Variants in SRGAP2 observed in about 807,000 individuals in gnomAD.
The protein encoded by SRGAP2 is SLIT-ROBO Rho GTPase activating protein 2.
SRGAP2 carries 15 observed loss-of-function variants against 57.2 expected under a neutral mutation model. The observed-to-expected ratio is 0.26, with a 90% CI of 0.18 to 0.40. The LOEUF (loss-of-function observed/expected upper bound fraction) is 0.40, where lower values mean the gene tolerates loss of function less well. Among genes scored for constraint, SRGAP2 ranks in the 10% least tolerant of loss-of-function variants. The pLI, the probability that SRGAP2 is intolerant of heterozygous loss-of-function variation, is 1.00. For synonymous variants in SRGAP2, 249 were observed against 248.0 expected (o/e 1.00, Z -0.04); for missense variants, 520 against 669.6 (o/e 0.78, Z 2.47).
Position 206,226,345 on chromosome 1 carries a change from T to A in SRGAP2, c.67+20308T>A, listed in dbSNP as rs535410161. On this transcript the variant is annotated intron_variant, in intron 2 of 22. Transcript: ENST00000573034. Reference sequence around the variant, plus strand: ...CAATGTGTTCAATCCAAGGAGACTATAGGAGTTATTACTCTCCTCCTTTTT... The same window carrying A: ...CAATGTGTTCAATCCAAGGAGACTAAAGGAGTTATTACTCTCCTCCTTTTT... 2.0e-5 allele frequency among the ~76,000 whole-genome samples: 3 copies of A among 152,266 alleles called. No homozygotes were observed. In the South Asian group the frequency reaches 6.2e-4, roughly 32 times the overall value.
Position 206,445,079 on chromosome 1 carries a change from C to A in SRGAP2, c.1875-996C>A, listed in dbSNP as rs782497499. Among the ~76,000 whole-genome samples, 90 of 152,252 alleles carry A rather than the reference C, an allele frequency of 5.9e-4. 1 individual carries two copies. The highest frequency in any genetic ancestry group is 1.4e-3 in the African/African-American group (57 of 41,472). On this transcript the variant is annotated intron_variant, in intron 17 of 22. Coordinates refer to ENST00000573034, the MANE Select transcript of SRGAP2 (RefSeq NM_015326.5). ...GCTACTCAGATGGAGACAGCTGAGTCTCAGGCCTCGTTTCCCAACAGAGGA... is the reference window on the plus strand; with the variant it reads ...GCTACTCAGATGGAGACAGCTGAGTATCAGGCCTCGTTTCCCAACAGAGGA...
At chr1:206,414,609 G>A (rs1553360792) in intron 10 of SRGAP2, among the ~76,000 whole-genome samples, 1 of 151,728 alleles carries the variant, frequency 6.6e-6, no homozygotes, top group African/African-American at 2.4e-5. Context: ...GCAGCAGGAG[G>A]TGATCAAGGC....
At position 206,358,678 on chromosome 1, in the gene SRGAP2, T is replaced by G. The variant is rs562455201; in HGVS notation, c.423+15670T>G. On this transcript the variant is annotated intron_variant, in intron 4 of 22. Coordinates refer to ENST00000573034, the MANE Select transcript of SRGAP2 (RefSeq NM_015326.5). ...AAGTTCTCAGGCAAGGAAAACCACA[T>G]AGTCTACCTGAGCTTTCAGGGACTG... Among the ~76,000 whole-genome samples, 22 of 151,674 alleles carry G rather than the reference T, an allele frequency of 1.5e-4. No individual in the cohort carries two copies. The East Asian group carries it at 4.3e-3, about 29-fold the overall frequency.
chr1:206,359,796 C>CCCTTTTTTTTTTTTTTTTTT (rs1558345475), intron 4 of SRGAP2, among the ~76,000 whole-genome samples: 4 of 103,684 alleles, frequency 3.9e-5, no homozygotes, highest in African/African-American at 1.9e-4. Context: ...AGGGATATTG[C>CCCTTTTTTTTTTTTTTTTTT]TCTTTTTTTT....
chr1:206,416,054 A>G, intron 11 of SRGAP2, 81 bp downstream of exon 11: 1 of 683,054 alleles, frequency 1.5e-6, no homozygotes. Flanking sequence ...CTCCATCCTC[A>G]GCCAAGTGGA....
rs566509972 is a variant in SRGAP2 at position 206,386,156 on chromosome 1, G to A, written c.486+2080G>A. ...TGCTACTGACATCTAATGATCTAGAGGCCAGGGGTGCTGCTAAAATCCTAC... is the reference window on the plus strand; with the variant it reads ...TGCTACTGACATCTAATGATCTAGAAGCCAGGGGTGCTGCTAAAATCCTAC... On this transcript the variant is annotated intron_variant, in intron 5 of 22. Transcript: ENST00000573034. 9.9e-5 allele frequency among the ~76,000 whole-genome samples: 15 copies of A among 152,278 alleles called. No individual in the cohort carries two copies. The South Asian group carries it at 3.1e-3, about 32-fold the overall frequency.
Position 206,461,299 on chromosome 1 carries a change from C to T in SRGAP2, c.3095C>T (p.Ala1032Val). Reference sequence around the variant, plus strand: ...CCTGTCAAGTCTGTCAAGATGGCTGCCCCGGTCAAACCACCAGCCACACGG... The same window carrying T: ...CCTGTCAAGTCTGTCAAGATGGCTGTCCCGGTCAAACCACCAGCCACACGG... ...FRPVKSVKMAAPVKPPATRPK... is the reference protein window; with the variant it reads ...FRPVKSVKMAVPVKPPATRPK... Residue 1032 changes from alanine to valine, a missense_variant, in exon 23 of 23, where the codon GCC (alanine) becomes GTC (valine). Ala to Val is a moderately conservative substitution (Grantham distance 64). Around this residue, in one of 5 missense-constraint regions of SRGAP2, gnomAD observed 478 missense variants for 373.6 expected, o/e 1.28. Transcript: ENST00000573034. 1 of 780,960 alleles carries T rather than the reference C, an allele frequency of 1.3e-6. No individual in the cohort carries two copies. The allele number at this position is 780,960 out of a possible 1,614,324, so 48.4% of individuals were successfully genotyped here. A position where few individuals can be genotyped will look rare whatever the true frequency, so the allele number is the denominator to read the frequency against.
intron 2 of SRGAP2, among the ~76,000 whole-genome samples, chr1:206,253,525 C>T (rs1668968349): frequency 6.6e-6 from 1 of 151,520 alleles, no homozygotes; most frequent in South Asian, 2.1e-4. Context: ...TTTCCTCCCT[C>T]CCTCACTTCC....
intron 7 of SRGAP2, among the ~76,000 whole-genome samples, chr1:206,397,553 G>A (rs1321206507): frequency 2.0e-5 from 3 of 147,560 alleles, no homozygotes; most frequent in Non-Finnish European, 3.0e-5. Flanking sequence ...ACTAGCCTCC[G>A]ACTTCTTTTT....
At chr1:206,325,602 C>G (rs1553329656) in intron 3 of SRGAP2, among the ~76,000 whole-genome samples, 2 of 150,456 alleles carry the variant, frequency 1.3e-5, no homozygotes, top group African/African-American at 4.9e-5. Flanking sequence ...GCCTCAGCCT[C>G]CCAAAGTGCT....
chr1:206,340,525 C>G (rs1429622563), intron 3 of SRGAP2, among the ~76,000 whole-genome samples: 5 of 152,144 alleles, frequency 3.3e-5, no homozygotes, highest in African/African-American at 7.2e-5. Context: ...AGACCCCCCC[C>G]AATCCATCTT....
intron 10 of SRGAP2, among the ~76,000 whole-genome samples, chr1:206,413,406 A>C (rs183649651): frequency 1.3e-5 from 2 of 152,356 alleles, no homozygotes; most frequent in East Asian, 3.9e-4. Flanking sequence ...GAAGAATGAC[A>C]GCAGGTGAGC....
chr1:206,349,442 A>G (rs1675879132), intron 4 of SRGAP2, among the ~76,000 whole-genome samples: 1 of 149,862 alleles, frequency 6.7e-6, no homozygotes, highest in African/African-American at 2.4e-5. Context: ...ATAAAAGCAT[A>G]TGTCTAAACA....
chr1:206,247,060 T>G (rs1201041433), intron 2 of SRGAP2, among the ~76,000 whole-genome samples: 2 of 138,284 alleles, frequency 1.4e-5, no homozygotes, highest in African/African-American at 5.3e-5. Context: ...TTGCTTGTTT[T>G]GCTGCTTCTG....
intron 4 of SRGAP2, among the ~76,000 whole-genome samples, chr1:206,344,074 T>C: frequency 6.6e-6 from 1 of 152,208 alleles, no homozygotes; most frequent in Non-Finnish European, 1.5e-5. Context: ...GTCGATACAG[T>C]CAAAGCTCTT....
At chr1:206,245,051 A>G (rs1553309926) in intron 2 of SRGAP2, among the ~76,000 whole-genome samples, 1 of 137,290 alleles carries the variant, frequency 7.3e-6, no homozygotes, top group African/African-American at 2.7e-5. Flanking sequence ...GCCTCCTTAG[A>G]TGAGATACAT....
intron 8 of SRGAP2, among the ~76,000 whole-genome samples, chr1:206,404,328 A>G (rs1247513256): frequency 6.6e-6 from 1 of 151,682 alleles, no homozygotes; most frequent in Non-Finnish European, 1.5e-5. Flanking sequence ...CAAGCAAGGG[A>G]ATGGTCCGTG....
chr1:206,371,694 A>G (rs1654566842), intron 4 of SRGAP2, among the ~76,000 whole-genome samples: 1 of 148,246 alleles, frequency 6.7e-6, no homozygotes, highest in Non-Finnish European at 1.5e-5. Flanking sequence ...TCATGCCACT[A>G]CACTCCAGCC....
chr1:206,291,689 TAAATG>T (rs1486631760), intron 2 of SRGAP2, among the ~76,000 whole-genome samples: 1 of 150,072 alleles, frequency 6.7e-6, no homozygotes, highest in Non-Finnish European at 1.5e-5. Flanking sequence ...AAGCACTTAA[TAAATG>T]GGATATGTGA....
Sources: allele counts gnomAD v4.1 joint callset (sites outside exome capture counted in the v4.1 genomes callset), GRCh38; gene constraint gnomAD v4.1.1; regional missense constraint gnomAD v4.1.1; transcripts MANE v1.5; gene names NCBI Gene and HGNC (gene_info 2026-07-23, HGNC 2026-07-21).